COL24A1: variants seen among roughly 807,000 people sequenced by gnomAD.
COL24A1 encodes collagen alpha-1(XXIV) chain.
A neutral mutation model predicts 253.9 loss-of-function variants in COL24A1; 224 were observed. That is an observed-to-expected ratio of 0.88 (90% CI 0.79 to 0.99). COL24A1 has a LOEUF of 0.99. COL24A1 is among the 50% of genes least tolerant of loss of function. The pLI, the probability that COL24A1 is intolerant of heterozygous loss-of-function variation, is 0.00. For missense variants in COL24A1, 2,131 were observed against 2,068.5 expected (o/e 1.03, Z -0.59); for synonymous variants, 685 against 673.7 (o/e 1.02, Z -0.26).
At position 85,822,748 on chromosome 1, in the gene COL24A1, C is replaced by T. The variant is rs552124878; in HGVS notation, c.3789+788G>A. 4.7e-4 allele frequency among the ~76,000 whole-genome samples: 72 copies of T among 152,240 alleles called. 1 individual carries two copies. The South Asian group carries it at 0.014, about 30-fold the overall frequency. On this transcript the variant is annotated intron_variant, in intron 45 of 59. Coordinates refer to ENST00000370571, the MANE Select transcript of COL24A1 (RefSeq NM_152890.7). ...TCCTTGTAAAATCCAGTTTTAGCAA[C>T]GAACCCTGCCAAGTCGGTTTAGCAA... is the stretch of plus-strand genomic sequence containing the variant.
chr1:85,926,506 T>C (rs1332610904), intron 24 of COL24A1, among the ~76,000 whole-genome samples: 1 of 152,208 alleles, frequency 6.6e-6, no homozygotes, highest in African/African-American at 2.4e-5. Context: ...GGTGAGTTCA[T>C]GTCCTTTGCA....
chr1:86,066,495 C>T (rs1437958377), intron 7 of COL24A1, among the ~76,000 whole-genome samples: 1 of 152,002 alleles, frequency 6.6e-6, no homozygotes, highest in East Asian at 2.0e-4. Context: ...CTGCCCGCCT[C>T]GGCCTCCCAA....
chr1:86,113,794 T>C (rs1167611719), intron 4 of COL24A1, among the ~76,000 whole-genome samples: 1 of 113,950 alleles, frequency 8.8e-6, no homozygotes, highest in African/African-American at 3.4e-5. Flanking sequence ...ATGATACCCA[T>C]CACTGCACTC....
intron 1 of COL24A1, among the ~76,000 whole-genome samples, chr1:86,148,517 A>C (rs1369024956): frequency 1.0e-4 from 13 of 130,102 alleles, no homozygotes; most frequent in Admixed American, 1.6e-4. Flanking sequence ...ACCCCACAAC[A>C]CTCCCCAGAG....
intron 37 of COL24A1, among the ~76,000 whole-genome samples, chr1:85,850,781 G>A (rs1401521263): frequency 1.3e-5 from 2 of 152,040 alleles, no homozygotes; most frequent in Admixed American, 1.3e-4. Context: ...AAGACTAAGA[G>A]CAAATAAGAG....
intron 7 of COL24A1, among the ~76,000 whole-genome samples, chr1:86,085,823 TA>T (rs1703019903): frequency 6.6e-6 from 1 of 152,164 alleles, no homozygotes; most frequent in Admixed American, 6.5e-5. Context: ...TATTGCTTGT[TA>T]AAAATGTTAA....
At chr1:86,027,924 C>T (rs4912459) in intron 14 of COL24A1, among the ~76,000 whole-genome samples, 13,214 of 152,208 alleles carry the variant, frequency 0.087, 708 homozygotes, top group Middle Eastern at 0.18. Flanking sequence ...AACCCACCTC[C>T]TACATCAGTG....
At chr1:85,943,672 A>C (rs1224929204) in intron 24 of COL24A1, among the ~76,000 whole-genome samples, 1 of 152,218 alleles carries the variant, frequency 6.6e-6, no homozygotes, top group Non-Finnish European at 1.5e-5. Context: ...AATAGACAAC[A>C]TATGTTTATA....
intron 5 of COL24A1, among the ~76,000 whole-genome samples, chr1:86,105,857 G>T (rs11807972): frequency 0.047 from 7,122 of 152,196 alleles, 476 homozygotes; most frequent in African/African-American, 0.15. Context: ...TCCAGGAGTC[G>T]CTGGGGTCCA....
At chr1:85,980,580 A>G (rs1367263167) in intron 20 of COL24A1, among the ~76,000 whole-genome samples, 1 of 152,150 alleles carries the variant, frequency 6.6e-6, no homozygotes, top group Non-Finnish European at 1.5e-5. Flanking sequence ...CCCTTTTACA[A>G]TAGCTACAAA....
chr1:86,031,619 G>A (rs888227867), intron 14 of COL24A1, among the ~76,000 whole-genome samples: 2 of 151,964 alleles, frequency 1.3e-5, no homozygotes, highest in Middle Eastern at 3.4e-3. Flanking sequence ...ATCCTTTAGC[G>A]CACAGGTACA....
At chr1:85,933,153 A>C (rs1687944892) in intron 24 of COL24A1, among the ~76,000 whole-genome samples, 1 of 151,914 alleles carries the variant, frequency 6.6e-6, no homozygotes, top group Non-Finnish European at 1.5e-5. Context: ...AATGTAAAAA[A>C]CTTGTATAGT....
At chr1:85,891,222 T>G (rs979326216) in intron 31 of COL24A1, among the ~76,000 whole-genome samples, 2 of 149,524 alleles carry the variant, frequency 1.3e-5, no homozygotes, top group Non-Finnish European at 3.0e-5. Flanking sequence ...GGCTAATTTT[T>G]TTTTTTTTTT....
At chr1:85,851,708 G>A (rs1015368531) in intron 37 of COL24A1, among the ~76,000 whole-genome samples, 1 of 152,006 alleles carries the variant, frequency 6.6e-6, no homozygotes, top group East Asian at 1.9e-4. Context: ...TAAAGTTATC[G>A]GACATCTATA....
intron 10 of COL24A1, among the ~76,000 whole-genome samples, chr1:86,055,792 A>G (rs1437882275): frequency 2.6e-5 from 4 of 152,184 alleles, no homozygotes; most frequent in Admixed American, 6.5e-5. Flanking sequence ...AAGCACAGAG[A>G]GACTGAATAA....
chr1:85,778,789 A>C (rs949522110), intron 52 of COL24A1, among the ~76,000 whole-genome samples: 1 of 151,904 alleles, frequency 6.6e-6, no homozygotes, highest in Non-Finnish European at 1.5e-5. Flanking sequence ...TTTTTAGTAG[A>C]GATGAAGTTT....
At position 85,776,319 on chromosome 1, in the gene COL24A1, TC is replaced by T. The variant is rs199525388; in HGVS notation, c.4339-611del. Reference sequence around the variant, plus strand: ...AGAATATACCTTCTATGACCTCAGTTCTTTTACATTTAGTAAAATTTGTTTT... The same window carrying T: ...AGAATATACCTTCTATGACCTCAGTTTTTTACATTTAGTAAAATTTGTTTT... On this transcript the variant is annotated intron_variant, in intron 52 of 59. Transcript: ENST00000370571. Among the ~76,000 whole-genome samples, 1,105 of 152,266 alleles carry T rather than the reference TC, an allele frequency of 7.3e-3. 6 individuals are homozygous for T. The highest frequency in any genetic ancestry group is 0.014 in the Middle Eastern group (4 of 294).
Position 86,146,142 on chromosome 1 carries a change from AC to A in COL24A1, c.97del (p.Val33TrpfsTer10). ...LHFIVLCVAG[V>X]VVHAQEQGID... ...ACCTTGTTCTTGTGCATGAACAACC[AC>A]CCCAGCCACACATAGTACAATAAAA... On this transcript the variant is annotated frameshift_variant, in exon 2 of 60. Coordinates refer to ENST00000370571, the MANE Select transcript of COL24A1 (RefSeq NM_152890.7). LOFTEE classifies it high-confidence loss of function. 1.2e-6 allele frequency: 2 copies of A among 1,611,520 alleles called. No individual in the cohort carries two copies. Among genetic ancestry groups the A allele is most frequent in the Non-Finnish European group, 1.7e-6 (2 of 1,178,806 alleles).
At chr1:85,732,009 G>T (rs1324900470) in intron 59 of COL24A1, among the ~76,000 whole-genome samples, 1 of 152,180 alleles carries the variant, frequency 6.6e-6, no homozygotes, top group Non-Finnish European at 1.5e-5. Flanking sequence ...GAAAGTGGCT[G>T]TGAAAATTAG....
Sources: allele counts gnomAD v4.1 joint callset (sites outside exome capture counted in the v4.1 genomes callset), GRCh38; gene constraint gnomAD v4.1.1; transcripts MANE v1.5; gene names NCBI Gene and HGNC (gene_info 2026-07-23, HGNC 2026-07-21).